NEURL1: variants seen among roughly 807,000 people sequenced by gnomAD.
NEURL1 encodes neuralized E3 ubiquitin protein ligase 1.
Under a neutral mutation model 41.2 loss-of-function variants are expected in NEURL1, and 26 were observed. The observed-to-expected ratio is 0.63, with a 90% confidence interval of 0.46 to 0.87. NEURL1 has a LOEUF of 0.87. NEURL1 is among the 40% of genes least tolerant of loss of function. The probability of loss-of-function intolerance (pLI) is 0.00; values close to 1 mark genes in which losing one functional copy is unlikely to be tolerated. For synonymous variants in NEURL1, 400 were observed against 402.3 expected (o/e 0.99, Z 0.07); for missense variants, 761 against 871.1 (o/e 0.87, Z 1.59).
chr10:103,500,086 G>C (rs2033787975), intron 1 of NEURL1, among the ~76,000 whole-genome samples: 1 of 152,174 alleles, frequency 6.6e-6, no homozygotes, highest in Non-Finnish European at 1.5e-5. Context: ...GACGGATCTA[G>C]GGGGTGCCTG....
intron 1 of NEURL1, among the ~76,000 whole-genome samples, chr10:103,542,838 A>C (rs963434417): frequency 6.6e-6 from 1 of 152,176 alleles, no homozygotes; most frequent in African/African-American, 2.4e-5. Context: ...TAAGTCACTG[A>C]CACCCGGGGG....
In NEURL1 at chr10:103,535,017, A is replaced by G. The variant is rs372895702; in HGVS notation, c.86-35855A>G. 9.9e-5 allele frequency among the ~76,000 whole-genome samples: 15 copies of G among 152,280 alleles called. No homozygotes were observed. In the East Asian group the frequency reaches 2.1e-3, roughly 22 times the overall value. Reference sequence around the variant, plus strand: ...AAGATTTGGGCCTGGGAGACAAGGCATGGCTGCAATTCAGGAACTTGAGCC... The same window carrying G: ...AAGATTTGGGCCTGGGAGACAAGGCGTGGCTGCAATTCAGGAACTTGAGCC... On this transcript the variant is annotated intron_variant, in intron 1 of 5. Coordinates refer to ENST00000369780, the MANE Select transcript of NEURL1 (RefSeq NM_004210.5).
chr10:103,585,606 G>A (rs927972319), intron 4 of NEURL1, among the ~76,000 whole-genome samples: 1 of 152,108 alleles, frequency 6.6e-6, no homozygotes, highest in Non-Finnish European at 1.5e-5. Context: ...AGGCCGAGGC[G>A]GGCGAATCAT....
intron 3 of NEURL1, among the ~76,000 whole-genome samples, chr10:103,574,542 G>T (rs905357830): frequency 6.6e-6 from 1 of 152,230 alleles, no homozygotes; most frequent in African/African-American, 2.4e-5. Flanking sequence ...ATAAAAGGAG[G>T]CAGGAAGTCA....
At chr10:103,555,202 G>C (rs2035120801) in intron 1 of NEURL1, 1 of 642,172 alleles carries the variant, frequency 1.6e-6, no homozygotes, top group African/African-American at 2.0e-5. Context: ...CGGCGTGCGC[G>C]TGTGCCGGAG....
rs1040510648 is a variant in NEURL1, at chr10:103,494,300, C to G, written c.-88C>G. ...AGGGCCCTCCCCCGGTGGCGCGCAC[C>G]CGCGCGCGCACACTCGCACACCGCA... On this transcript the variant is annotated 5_prime_UTR_variant, in exon 1 of 6. Coordinates refer to ENST00000369780, the MANE Select transcript of NEURL1 (RefSeq NM_004210.5). The G allele has an allele frequency of 2.7e-6, 3 of 1,118,920 alleles. No individual in the cohort carries two copies. Among genetic ancestry groups the G allele is most frequent in the South Asian group, 1.5e-5 (1 of 64,794 alleles). 69.3% of individuals were successfully genotyped at this position (1,118,920 alleles called of 1,614,324 possible).
At position 103,581,736 on chromosome 10, in the gene NEURL1, A is replaced by C. The variant is rs545265567; in HGVS notation, c.650-2800A>C. ...CACTATGCCTTGAGCTGGTTGGTGC[A>C]CATCTAGAGTACTGAGTCTGGTTTT... is the stretch of plus-strand genomic sequence containing the variant. On this transcript the variant is annotated intron_variant, in intron 3 of 5. Transcript: ENST00000369780. Among the ~76,000 whole-genome samples, 14 of 152,346 alleles carry C rather than the reference A, an allele frequency of 9.2e-5. No individual in the cohort carries two copies. In the East Asian group the frequency reaches 2.7e-3, roughly 29 times the overall value.
chr10:103,539,031 C>T (rs1171907223), intron 1 of NEURL1, among the ~76,000 whole-genome samples: 3 of 151,264 alleles, frequency 2.0e-5, no homozygotes, highest in Non-Finnish European at 2.9e-5. Flanking sequence ...ACTGTAGCCT[C>T]GACCTCCCAG....
intron 1 of NEURL1, among the ~76,000 whole-genome samples, chr10:103,525,893 G>A (rs1401638947): frequency 6.6e-6 from 1 of 152,102 alleles, no homozygotes; most frequent in Non-Finnish European, 1.5e-5. Flanking sequence ...TGTGCTATGT[G>A]GCCTTTACTG....
At chr10:103,582,824 C>A (rs2035808841) in intron 3 of NEURL1, among the ~76,000 whole-genome samples, 1 of 152,184 alleles carries the variant, frequency 6.6e-6, no homozygotes, top group Non-Finnish European at 1.5e-5. Context: ...GTGCGGCTTA[C>A]AGTGGCACCA....
chr10:103,505,725 TG>T (rs34686433), intron 1 of NEURL1, among the ~76,000 whole-genome samples: 38,054 of 152,112 alleles, frequency 0.25, 5,515 homozygotes, highest in East Asian at 0.41. Flanking sequence ...CCAGTTGAGC[TG>T]GGTATGGAGG....
intron 3 of NEURL1, among the ~76,000 whole-genome samples, chr10:103,575,682 A>G (rs891807531): frequency 1.5e-4 from 23 of 152,040 alleles, no homozygotes; most frequent in Admixed American, 1.4e-3. Context: ...CCTCCCTGTT[A>G]TGGTGCCCAT....
intron 1 of NEURL1, among the ~76,000 whole-genome samples, chr10:103,513,679 G>T (rs907397000): frequency 4.0e-5 from 6 of 151,898 alleles, no homozygotes; most frequent in Non-Finnish European, 5.9e-5. Context: ...GCAGGTGGAG[G>T]TCTAGAACCC....
intron 1 of NEURL1, among the ~76,000 whole-genome samples, chr10:103,553,994 C>A (rs1265373106): frequency 1.3e-5 from 2 of 152,216 alleles, no homozygotes; most frequent in Non-Finnish European, 2.9e-5. Flanking sequence ...TGCTGGGTAA[C>A]CTCACGCAAG....
At chr10:103,515,648 A>T (rs1318798860) in intron 1 of NEURL1, among the ~76,000 whole-genome samples, 1 of 152,262 alleles carries the variant, frequency 6.6e-6, no homozygotes, top group Non-Finnish European at 1.5e-5. Context: ...CCAAGAACAA[A>T]TCACCACCTA....
chr10:103,584,914 C>T lies in NEURL1; in HGVS notation c.1028C>T (p.Thr343Met). 1 of 1,474,110 alleles carries T rather than the reference C, an allele frequency of 6.8e-7. No homozygotes were observed. 91.3% of individuals were successfully genotyped at this position (1,474,110 alleles called of 1,614,324 possible). A position where few individuals can be genotyped will look rare whatever the true frequency, so the allele number is the denominator to read the frequency against. ...RVAETIFVKV[T>M]RSGGARPGAL... ...GCCGAGACCATCTTCGTCAAGGTCACGCGCTCGGGTGGCGCGCGGCCCGGC... is the reference window on the plus strand; with the variant it reads ...GCCGAGACCATCTTCGTCAAGGTCATGCGCTCGGGTGGCGCGCGGCCCGGC... Residue 343 changes from threonine (T) to methionine (M), a missense_variant, in exon 4 of 6, where the codon ACG becomes ATG. Around this residue, in one of 5 missense-constraint regions of NEURL1, gnomAD observed 443 missense variants for 408.1 expected, o/e 1.09. Transcript: ENST00000369780.
intron 1 of NEURL1, among the ~76,000 whole-genome samples, chr10:103,539,338 C>T (rs575332592): frequency 3.9e-5 from 6 of 152,178 alleles, no homozygotes; most frequent in African/African-American, 9.6e-5. Context: ...TTCATTAGGT[C>T]GTTTTCTTAT....
At chr10:103,500,564 C>G (rs1000205814) in intron 1 of NEURL1, among the ~76,000 whole-genome samples, 1 of 152,180 alleles carries the variant, frequency 6.6e-6, no homozygotes, top group Non-Finnish European at 1.5e-5. Context: ...GACAGAGCCC[C>G]AGGGCCGGGA....
chr10:103,510,171 G>C (rs952152802), intron 1 of NEURL1, among the ~76,000 whole-genome samples: 1 of 152,172 alleles, frequency 6.6e-6, no homozygotes, highest in Non-Finnish European at 1.5e-5. Flanking sequence ...TGGCCTTGGT[G>C]TAAGACTGTT....
Sources: allele counts gnomAD v4.1 joint callset (sites outside exome capture counted in the v4.1 genomes callset), GRCh38; gene constraint gnomAD v4.1.1; regional missense constraint gnomAD v4.1.1; transcripts MANE v1.5; gene names NCBI Gene and HGNC (gene_info 2026-07-23, HGNC 2026-07-21).